Variants in KY observed in about 807,000 individuals in gnomAD.
KY encodes the protein kyphoscoliosis peptidase.
A neutral mutation model predicts 76.1 loss-of-function variants in KY; 43 were observed. That is an observed-to-expected ratio of 0.57 (90% CI 0.44 to 0.73). The LOEUF (loss-of-function observed/expected upper bound fraction) is 0.73, where lower values mean the gene tolerates loss of function less well. Ranked by LOEUF, KY falls within the 30% of genes least tolerant of loss-of-function variation. The probability of loss-of-function intolerance (pLI) is 0.00; values close to 1 mark genes in which losing one functional copy is unlikely to be tolerated. For missense variants in KY, 722 were observed against 828.9 expected (o/e 0.87, Z 1.58); for synonymous variants, 277 against 326.2 (o/e 0.85, Z 1.63).
chr3:134,642,309 T>C lies in KY; in HGVS notation c.262+1007A>G, dbSNP rs535818293. Among the ~76,000 whole-genome samples the C allele has an allele frequency of 2.6e-5, 4 of 152,276 alleles. No individual in the cohort carries two copies. The East Asian group carries it at 7.7e-4, about 29-fold the overall frequency. On this transcript the variant is annotated intron_variant, in intron 3 of 10. Transcript: ENST00000423778. ...GGGGCATGGGGGAAATCACTGCCTC[T>C]GAATTTGATCAGATAATTTCCTTAT...
At chr3:134,616,893 T>C (rs1961667636) in intron 8 of KY, among the ~76,000 whole-genome samples, 1 of 152,226 alleles carries the variant, frequency 6.6e-6, no homozygotes, top group Admixed American at 6.5e-5. Context: ...TGCAGTCTCA[T>C]TGAGTCCTAT....
In KY at chr3:134,629,670, G is replaced by A. The variant is rs748223246; in HGVS notation, c.288C>T (p.His96=). The change falls in exon 4 of 11, where the codon CAC becomes CAT. Residue 96 remains histidine (H), a synonymous_variant. Coordinates refer to ENST00000423778, the MANE Select transcript of KY (RefSeq NM_178554.6). ...GCAGCTGGGGCATGGCATCTCGAGGGTGGACTTCCACAGTCAGTTGTGTCC... is the reference window on the plus strand; with the variant it reads ...GCAGCTGGGGCATGGCATCTCGAGGATGGACTTCCACAGTCAGTTGTGTCC... ...SQGTQLTVEV[H]PRDAMPQLLK... 2 of 1,597,806 alleles carry A rather than the reference G, an allele frequency of 1.3e-6. No homozygotes were observed. The highest frequency in any genetic ancestry group is 1.7e-5 in the Admixed American group (1 of 57,770).
intron 3 of KY, among the ~76,000 whole-genome samples, chr3:134,638,819 G>A (rs151203136): frequency 5.0e-4 from 76 of 152,308 alleles, no homozygotes; most frequent in African/African-American, 1.8e-3. Context: ...AACACCTAAC[G>A]CAGTATGGCA....
chr3:134,615,683 G>T (rs1317109474), intron 8 of KY, among the ~76,000 whole-genome samples: 1 of 150,408 alleles, frequency 6.6e-6, no homozygotes, highest in African/African-American at 2.5e-5. Flanking sequence ...GAGCTAAGAT[G>T]TCCCTTTCAG....
chr3:134,603,678 G>A lies in KY; in HGVS notation c.1887C>T (p.Cys629=). 1.2e-6 allele frequency: 2 copies of A among 1,613,842 alleles called. No individual in the cohort carries two copies. The highest frequency in any genetic ancestry group is 8.5e-7 in the Non-Finnish European group (1 of 1,179,814). ...LNHEGYWEGS[C]STAGCQEVYV... ...AGACTTCCTGGCAGCCAGCTGTGCT[G>A]CAGCTTCCCTCCCAGTAGCCCTCGT... The change falls in exon 11 of 11, where the codon TGC becomes TGT. Residue 629 remains cysteine, a synonymous_variant. Transcript: ENST00000423778.
chr3:134,625,834 CT>C (rs1279349635), intron 5 of KY, among the ~76,000 whole-genome samples: 9 of 152,372 alleles, frequency 5.9e-5, no homozygotes, highest in African/African-American at 1.9e-4. Context: ...CACAGGGAGC[CT>C]GCTGACCAGA....
At chr3:134,617,167 A>T (rs143324462) in intron 8 of KY, among the ~76,000 whole-genome samples, 2 of 152,360 alleles carry the variant, frequency 1.3e-5, no homozygotes, top group East Asian at 3.9e-4. Context: ...GTATGCTAGA[A>T]AGCTTATACT....
chr3:134,608,414 G>GT (rs779907725), intron 10 of KY: 2 of 1,487,334 alleles, frequency 1.3e-6, no homozygotes, highest in Non-Finnish European at 1.8e-6. Context: ...TTATGCTAGT[G>GT]TGAGTGAGCT....
intron 10 of KY, chr3:134,608,341 G>A: frequency 1.5e-6 from 2 of 1,298,636 alleles, no homozygotes; most frequent in Admixed American, 2.5e-5. Flanking sequence ...GACATGCCAG[G>A]CTGTGTGTTC....
intron 8 of KY, 43 bp from the exon 9 acceptor site, chr3:134,610,426 G>A (rs2107772634): frequency 1.3e-6 from 2 of 1,555,934 alleles, no homozygotes; most frequent in East Asian, 4.5e-5. Context: ...TCCCGCTGTG[G>A]CTTGCCTCCA....
At chr3:134,621,400 A>C (rs933348851) in intron 6 of KY, among the ~76,000 whole-genome samples, 1 of 152,268 alleles carries the variant, frequency 6.6e-6, no homozygotes, top group Non-Finnish European at 1.5e-5. Flanking sequence ...CTGAGAGTCC[A>C]GAAATGGACC....
chr3:134,633,922 G>A (rs1407210184), intron 3 of KY, among the ~76,000 whole-genome samples: 3 of 152,150 alleles, frequency 2.0e-5, no homozygotes, highest in African/African-American at 7.2e-5. Flanking sequence ...GGTATACAAG[G>A]TTAACATACA....
intron 3 of KY, among the ~76,000 whole-genome samples, chr3:134,632,492 AC>A (rs1964367172): frequency 6.6e-6 from 1 of 152,172 alleles, no homozygotes; most frequent in Admixed American, 6.5e-5. Context: ...AAATTAACAT[AC>A]TTTCAAATCA....
intron 10 of KY, among the ~76,000 whole-genome samples, chr3:134,606,350 C>T (rs1245713212): frequency 6.6e-6 from 1 of 152,200 alleles, no homozygotes; most frequent in Admixed American, 6.5e-5. Context: ...CCTGTCTCTT[C>T]CTGCCTCGCC....
At chr3:134,624,047 C>T (rs980489965) in intron 6 of KY, among the ~76,000 whole-genome samples, 3 of 152,216 alleles carry the variant, frequency 2.0e-5, no homozygotes, top group African/African-American at 7.2e-5. Flanking sequence ...GGATGTGCCA[C>T]AGACACTAGA....
Position 134,602,956 on chromosome 3 carries a change from T to G in KY, c.*623A>C, listed in dbSNP as rs1347538754. 6.6e-6 allele frequency among the ~76,000 whole-genome samples: 1 copy of G among 152,206 alleles called. No homozygotes were observed. The highest frequency in any genetic ancestry group is 2.4e-5 in the African/African-American group (1 of 41,460). On this transcript the variant is annotated 3_prime_UTR_variant, in exon 11 of 11. Coordinates refer to ENST00000423778, the MANE Select transcript of KY (RefSeq NM_178554.6). ...GAGACGATCAGCTTCCAGCCAGTTGTGGGTCAGCTGGCTTCCTCACCACAC... is the reference window on the plus strand; with the variant it reads ...GAGACGATCAGCTTCCAGCCAGTTGGGGGTCAGCTGGCTTCCTCACCACAC...
At chr3:134,629,589 C>A in intron 4 of KY, 32 bp downstream of exon 4, 2 of 1,545,936 alleles carry the variant, frequency 1.3e-6, no homozygotes, top group Non-Finnish European at 1.8e-6. Context: ...TCTCTGCCAG[C>A]CCTCCACCAT....
intron 3 of KY, among the ~76,000 whole-genome samples, chr3:134,639,357 G>A (rs937251713): frequency 1.3e-5 from 2 of 152,208 alleles, no homozygotes; most frequent in Non-Finnish European, 2.9e-5. Context: ...CTCTCATTAT[G>A]AGATGACAAC....
chr3:134,629,787 G>T, intron 3 of KY, 92 bp from the exon 4 acceptor site: 1 of 781,488 alleles, frequency 1.3e-6, no homozygotes, highest in Non-Finnish European at 2.2e-6. Flanking sequence ...AAAACAATTA[G>T]TTTTAGAACT....
Sources: allele counts gnomAD v4.1 joint callset (sites outside exome capture counted in the v4.1 genomes callset), GRCh38; gene constraint gnomAD v4.1.1; transcripts MANE v1.5; gene names NCBI Gene and HGNC (gene_info 2026-07-23, HGNC 2026-07-21).